MALRD1: variants seen among roughly 807,000 people sequenced by gnomAD.
MALRD1 encodes MAM and LDL-receptor class A domain-containing protein 1.
A neutral mutation model predicts 242.1 loss-of-function variants in MALRD1; 247 were observed. The ratio of observed to expected loss-of-function variants is 1.02; its 90% CI spans 0.92 to 1.13. The LOEUF (loss-of-function observed/expected upper bound fraction) is 1.13, where lower values mean the gene tolerates loss of function less well. Among genes scored for constraint, MALRD1 ranks in the 50% most tolerant of loss-of-function variants. MALRD1 has a pLI of 0.00. For missense variants in MALRD1, 2,989 were observed against 2,533.1 expected (o/e 1.18, Z -3.86); for synonymous variants, 995 against 866.6 (o/e 1.15, Z -2.60).
intron 36 of MALRD1, among the ~76,000 whole-genome samples, chr10:19,677,761 GTATTGCCTAAAT>G (rs1172693149): frequency 1.5e-4 from 23 of 152,250 alleles, no homozygotes; most frequent in African/African-American, 5.3e-4. Context: ...ATCCTGAATA[GTATTGCCTAAAT>G]TTTCTTCTAG....
At chr10:19,333,333 T>G (rs932067260) in intron 24 of MALRD1, among the ~76,000 whole-genome samples, 2 of 152,100 alleles carry the variant, frequency 1.3e-5, no homozygotes. Context: ...GCTCTTATTG[T>G]TCCCATGTTT....
chr10:19,579,197 A>C (rs1396444574), intron 33 of MALRD1, among the ~76,000 whole-genome samples: 2 of 152,164 alleles, frequency 1.3e-5, no homozygotes, highest in African/African-American at 4.8e-5. Flanking sequence ...ATTTGATTGC[A>C]TCATAAAGTA....
chr10:19,130,868 C>T (rs978483078), intron 8 of MALRD1, among the ~76,000 whole-genome samples: 2 of 152,154 alleles, frequency 1.3e-5, no homozygotes, highest in South Asian at 2.1e-4. Flanking sequence ...ATAAAAATGA[C>T]GTTAGATACC....
intron 31 of MALRD1, among the ~76,000 whole-genome samples, chr10:19,504,606 C>T (rs1274347251): frequency 1.5e-4 from 22 of 151,406 alleles, no homozygotes; most frequent in Non-Finnish European, 7.4e-5. Flanking sequence ...TGCACACACA[C>T]TCATACACAG....
chr10:19,416,793 G>C (rs977354399), intron 28 of MALRD1, among the ~76,000 whole-genome samples: 24 of 152,138 alleles, frequency 1.6e-4, no homozygotes, highest in African/African-American at 5.8e-4. Context: ...CATATTCCTT[G>C]CTTGAGTTAT....
At chr10:19,421,321 T>A (rs1833711422) in intron 28 of MALRD1, among the ~76,000 whole-genome samples, 1 of 152,210 alleles carries the variant, frequency 6.6e-6, no homozygotes, top group Non-Finnish European at 1.5e-5. Flanking sequence ...GGCTTTCCAA[T>A]GCGCTCTGAT....
At chr10:19,495,471 A>G (rs1460641210) in intron 30 of MALRD1, among the ~76,000 whole-genome samples, 1 of 151,940 alleles carries the variant, frequency 6.6e-6, no homozygotes, top group Non-Finnish European at 1.5e-5. Context: ...AAGAAAACCT[A>G]CAACCAAGAA....
chr10:19,143,137 A>C (rs776885079), intron 10 of MALRD1, among the ~76,000 whole-genome samples: 1 of 152,252 alleles, frequency 6.6e-6, no homozygotes, highest in Non-Finnish European at 1.5e-5. Flanking sequence ...AAAAAGCACA[A>C]TGATTGACAT....
At chr10:19,357,910 A>G (rs1844706288) in intron 26 of MALRD1, among the ~76,000 whole-genome samples, 1 of 152,028 alleles carries the variant, frequency 6.6e-6, no homozygotes, top group Non-Finnish European at 1.5e-5. Context: ...ATCTGGAATC[A>G]GTAATTCTGA....
chr10:19,220,341 T>G (rs1165858477), intron 18 of MALRD1, among the ~76,000 whole-genome samples: 2 of 151,770 alleles, frequency 1.3e-5, no homozygotes, highest in Non-Finnish European at 2.9e-5. Flanking sequence ...TGAATGAAAA[T>G]GAGAGAGAGA....
intron 6 of MALRD1, 93 bp from the exon 7 acceptor site, chr10:19,124,431 A>T: frequency 5.8e-6 from 6 of 1,039,872 alleles, no homozygotes; most frequent in Non-Finnish European, 7.4e-6. Flanking sequence ...GTATGTGTGT[A>T]TATAAGCTTT....
intron 31 of MALRD1, among the ~76,000 whole-genome samples, chr10:19,525,322 A>G (rs926799446): frequency 6.6e-6 from 1 of 152,144 alleles, no homozygotes; most frequent in Non-Finnish European, 1.5e-5. Context: ...TCGAGAGTGT[A>G]GCTAATCACA....
intron 31 of MALRD1, among the ~76,000 whole-genome samples, chr10:19,509,346 T>C (rs1285337021): frequency 1.3e-5 from 2 of 152,190 alleles, no homozygotes; most frequent in African/African-American, 4.8e-5. Flanking sequence ...GGGTATGGTG[T>C]GATGAGTTGG....
chr10:19,102,875 G>T (rs1355231640), intron 4 of MALRD1, among the ~76,000 whole-genome samples: 1 of 151,296 alleles, frequency 6.6e-6, no homozygotes, highest in Non-Finnish European at 1.5e-5. Flanking sequence ...TTGAGAACAA[G>T]TCTTACTCTG....
chr10:19,725,134 G>C (rs1026782571), intron 38 of MALRD1, among the ~76,000 whole-genome samples: 4 of 152,180 alleles, frequency 2.6e-5, no homozygotes, highest in Non-Finnish European at 5.9e-5. Flanking sequence ...ATATTGTCGA[G>C]ACGTTAATAC....
intron 28 of MALRD1, among the ~76,000 whole-genome samples, chr10:19,410,886 T>C (rs1050891680): frequency 2.6e-5 from 4 of 152,300 alleles, no homozygotes; most frequent in Non-Finnish European, 5.9e-5. Flanking sequence ...AATGAATCTT[T>C]TTGACATAAA....
At chr10:19,706,756 G>T (rs537237932) in intron 38 of MALRD1, among the ~76,000 whole-genome samples, 23 of 152,254 alleles carry the variant, frequency 1.5e-4, no homozygotes, top group Middle Eastern at 6.8e-3. Flanking sequence ...ATAGCAGTTG[G>T]ATCTAGGAGC....
chr10:19,171,981 CATATAATATATGT>C (rs201629815), intron 13 of MALRD1, among the ~76,000 whole-genome samples: 94 of 25,712 alleles, frequency 3.7e-3, no homozygotes, highest in South Asian at 7.3e-3. Flanking sequence ...TGATATATAT[CATATAATATATGT>C]ATATATCACA....
chr10:19,485,550 G>A (rs11010138), intron 29 of MALRD1, among the ~76,000 whole-genome samples: 8,072 of 151,820 alleles, frequency 0.053, 749 homozygotes, highest in African/African-American at 0.18. Context: ...GGCTGAGGCA[G>A]GAGAATGGCA....
Sources: allele counts gnomAD v4.1 joint callset (sites outside exome capture counted in the v4.1 genomes callset), GRCh38; gene constraint gnomAD v4.1.1; transcripts MANE v1.5; gene names NCBI Gene and HGNC (gene_info 2026-07-23, HGNC 2026-07-21).